Variants in SH3GL3 observed in about 807,000 individuals in gnomAD.
SH3GL3 encodes SH3 domain containing GRB2 like 3, endophilin A3, also known as endophilin-A3.
Under a neutral mutation model 47.7 loss-of-function variants are expected in SH3GL3, and 33 were observed. The ratio of observed to expected loss-of-function variants is 0.69; its 90% CI spans 0.52 to 0.92. The LOEUF (loss-of-function observed/expected upper bound fraction) is 0.92. SH3GL3 is among the 40% of genes least tolerant of loss of function. The pLI is 0.00. For synonymous variants in SH3GL3, 155 were observed against 148.8 expected (o/e 1.04, Z -0.30); for missense variants, 363 against 417.8 (o/e 0.87, Z 1.14).
intron 1 of SH3GL3, among the ~76,000 whole-genome samples, chr15:83,484,936 A>G (rs2041527792): frequency 6.6e-6 from 1 of 152,228 alleles, no homozygotes; most frequent in Non-Finnish European, 1.5e-5. Flanking sequence ...TTTTAAAGTC[A>G]CAAGTGTTTA....
At chr15:83,570,360 T>C (rs976406265) in intron 4 of SH3GL3, among the ~76,000 whole-genome samples, 6 of 152,180 alleles carry the variant, frequency 3.9e-5, no homozygotes, top group African/African-American at 1.4e-4. Flanking sequence ...ATCTGTATCC[T>C]GTTTTGATTC....
At chr15:83,535,890 C>CA (rs1380802618) in intron 1 of SH3GL3, among the ~76,000 whole-genome samples, 1 of 151,694 alleles carries the variant, frequency 6.6e-6, no homozygotes, top group Admixed American at 6.6e-5. Context: ...TGAAAATGGG[C>CA]AAAAAAATAC....
intron 8 of SH3GL3, among the ~76,000 whole-genome samples, chr15:83,605,868 T>G (rs2060502777): frequency 6.6e-6 from 1 of 152,164 alleles, no homozygotes. Context: ...AACATGTGCC[T>G]GTGTAGCTCC....
intron 1 of SH3GL3, among the ~76,000 whole-genome samples, chr15:83,482,401 T>A (rs936341974): frequency 3.9e-5 from 6 of 152,122 alleles, no homozygotes; most frequent in African/African-American, 1.4e-4. Context: ...TCTATACCGG[T>A]GGAAATCTTG....
chr15:83,584,307 G>A (rs147723168), intron 6 of SH3GL3, among the ~76,000 whole-genome samples: 3 of 152,190 alleles, frequency 2.0e-5, no homozygotes, highest in Admixed American at 6.5e-5. Context: ...AAAGGACCTC[G>A]TGATTACATT....
chr15:83,477,587 T>G (rs547385258), intron 1 of SH3GL3, among the ~76,000 whole-genome samples: 3 of 152,308 alleles, frequency 2.0e-5, no homozygotes, highest in African/African-American at 7.2e-5. Flanking sequence ...TCAGTCAGTT[T>G]GTACAATAGT....
the SH3GL3 span, among the ~76,000 whole-genome samples, chr15:83,631,279 G>A: frequency 6.6e-6 from 1 of 152,200 alleles, no homozygotes; most frequent in African/African-American, 2.4e-5. Flanking sequence ...TTGAGTGTCT[G>A]CAGCTTTTCC....
rs376241848 is a variant in SH3GL3, at chr15:83,556,785, G to A, written c.46-2468G>A. On this transcript the variant is annotated intron_variant, in intron 1 of 8. Coordinates refer to ENST00000427482, the MANE Select transcript of SH3GL3 (RefSeq NM_003027.5). The stretch of plus-strand genomic sequence containing the variant: ...TCTGTGGGTCAGCAATTTGGGCTGG[G>A]AGCACTGGGTGGGTGGATGTGCTGG... Among the ~76,000 whole-genome samples the A allele has an allele frequency of 2.6e-5, 4 of 152,330 alleles. No homozygotes were observed. In the East Asian group the frequency reaches 7.7e-4, roughly 29 times the overall value.
chr15:83,610,641 G>T (rs980408951), intron 8 of SH3GL3, among the ~76,000 whole-genome samples: 1 of 152,146 alleles, frequency 6.6e-6, no homozygotes, highest in African/African-American at 2.4e-5. Flanking sequence ...CAAGAACGTG[G>T]ACTCTCTACC....
At chr15:83,513,445 T>C (rs117501957) in intron 1 of SH3GL3, among the ~76,000 whole-genome samples, 1 of 152,340 alleles carries the variant, frequency 6.6e-6, no homozygotes, top group East Asian at 1.9e-4. Flanking sequence ...TCACCCTCTG[T>C]CCCTAGACGT....
chr15:83,517,397 G>T (rs1480033075), intron 1 of SH3GL3, among the ~76,000 whole-genome samples: 3 of 151,824 alleles, frequency 2.0e-5, no homozygotes, highest in African/African-American at 7.2e-5. Flanking sequence ...GTAGAGATGG[G>T]ATTTCACCAT....
chr15:83,488,160 G>A (rs192032024), intron 1 of SH3GL3: 212 of 152,576 alleles, frequency 1.4e-3, no homozygotes, highest in Non-Finnish European at 2.0e-3. Flanking sequence ...ACAGGTGTGA[G>A]CCACTGTGCC....
intron 1 of SH3GL3, among the ~76,000 whole-genome samples, chr15:83,499,082 C>G (rs558803669): frequency 3.7e-4 from 56 of 152,258 alleles, no homozygotes; most frequent in African/African-American, 1.3e-3. Context: ...CCTTCCTCTT[C>G]CCCCACCTGC....
At chr15:83,453,844 T>C (rs2151492353) in intron 1 of SH3GL3, among the ~76,000 whole-genome samples, 1 of 12,926 alleles carries the variant, frequency 7.7e-5, no homozygotes, top group Middle Eastern at 0.015. Context: ...TCTTGCCTTC[T>C]GCTAGCTTTT....
intron 1 of SH3GL3, among the ~76,000 whole-genome samples, chr15:83,464,109 C>T (rs1239157217): frequency 6.6e-6 from 1 of 152,132 alleles, no homozygotes; most frequent in African/African-American, 2.4e-5. Flanking sequence ...AATTGGCTTT[C>T]TTTTCTTGTG....
At chr15:83,509,062 G>A (rs181563058) in intron 1 of SH3GL3, among the ~76,000 whole-genome samples, 169 of 152,250 alleles carry the variant, frequency 1.1e-3, no homozygotes, top group African/African-American at 3.7e-3. Flanking sequence ...CCTACATCGG[G>A]CATTTTAGCG....
At chr15:83,591,834 C>T (rs913147317) in intron 8 of SH3GL3, among the ~76,000 whole-genome samples, 2 of 152,216 alleles carry the variant, frequency 1.3e-5, no homozygotes, top group Admixed American at 6.5e-5. Flanking sequence ...TACAGGCGCC[C>T]GATACCGTGC....
At chr15:83,506,089 GT>G in intron 1 of SH3GL3, among the ~76,000 whole-genome samples, 1 of 152,006 alleles carries the variant, frequency 6.6e-6, no homozygotes, top group South Asian at 2.1e-4. Flanking sequence ...TAACATGTAG[GT>G]TTTTTTCGTA....
At chr15:83,484,874 AT>A (rs906165006) in intron 1 of SH3GL3, among the ~76,000 whole-genome samples, 10 of 152,008 alleles carry the variant, frequency 6.6e-5, no homozygotes, top group South Asian at 2.1e-4. Context: ...TATTTAAAAC[AT>A]TTTTTTTGGT....
Sources: gnomAD v4.1 joint callset for allele counts (sites outside exome capture counted in the v4.1 genomes callset) on GRCh38, gnomAD v4.1.1 for gene constraint, MANE v1.5 for transcripts, NCBI Gene and HGNC (gene_info 2026-07-23, HGNC 2026-07-21) for gene names.